TENM2: variants seen among roughly 807,000 people sequenced by gnomAD.
TENM2 encodes the protein teneurin-2.
Under a neutral mutation model 245.2 loss-of-function variants are expected in TENM2, and 52 were observed. The observed-to-expected ratio is 0.21, with a 90% CI of 0.17 to 0.27. The LOEUF is 0.27. Among genes scored for constraint, TENM2 ranks in the 10% least tolerant of loss-of-function variants. The probability of loss-of-function intolerance (pLI) is 1.00; values close to 1 mark genes in which losing one functional copy is unlikely to be tolerated. For missense variants in TENM2, 3,046 were observed against 3,666.8 expected (o/e 0.83, Z 4.37); for synonymous variants, 1,363 against 1,438.9 (o/e 0.95, Z 1.19).
the TENM2 span, among the ~76,000 whole-genome samples, chr5:167,275,898 G>T: frequency 6.6e-6 from 1 of 151,970 alleles, no homozygotes; most frequent in Non-Finnish European, 1.5e-5. Flanking sequence ...GCACCATGTT[G>T]AACAAGACTG....
the TENM2 span, among the ~76,000 whole-genome samples, chr5:167,082,371 C>T: frequency 3.3e-5 from 5 of 152,172 alleles, no homozygotes; most frequent in South Asian, 2.1e-4. Context: ...GCAACCTCCA[C>T]CTCCCGGATT....
At chr5:167,606,096 T>C (rs905987749) in intron 2 of TENM2, among the ~76,000 whole-genome samples, 9 of 152,190 alleles carry the variant, frequency 5.9e-5, no homozygotes, top group African/African-American at 2.2e-4. Context: ...ATTTCTGTTA[T>C]ATTATCTTTA....
intron 12 of TENM2, among the ~76,000 whole-genome samples, chr5:168,152,598 G>T (rs935631439): frequency 3.3e-5 from 5 of 152,086 alleles, no homozygotes; most frequent in Non-Finnish European, 7.3e-5. Flanking sequence ...TTCCATACTG[G>T]TAGGTACCAC....
the TENM2 span, among the ~76,000 whole-genome samples, chr5:167,264,125 T>A: frequency 2.0e-5 from 3 of 147,842 alleles, no homozygotes; most frequent in Non-Finnish European, 4.5e-5. Context: ...AAAAAAAAAA[T>A]TCCTGTTAGT....
chr5:167,745,816 G>A (rs991353285), intron 2 of TENM2, among the ~76,000 whole-genome samples: 14 of 152,192 alleles, frequency 9.2e-5, no homozygotes, highest in African/African-American at 3.1e-4. Context: ...GCATGTATCA[G>A]TAGTTCATTC....
chr5:168,036,716 TGTATGTGTATATATATAC>T (rs1562081623), intron 5 of TENM2, among the ~76,000 whole-genome samples: 7 of 142,388 alleles, frequency 4.9e-5, no homozygotes, highest in East Asian at 4.2e-4. Context: ...TGTATATATA[TGTATGTGTATATATATAC>T]GTATGTGTAT....
At chr5:167,721,267 T>A (rs1475330451) in intron 2 of TENM2, 1 of 152,020 alleles carries the variant, frequency 6.6e-6, no homozygotes, top group Non-Finnish European at 1.5e-5. Context: ...AAAAAAATGA[T>A]GAGGATTTTT....
chr5:167,876,647 A>G (rs1401742198), intron 3 of TENM2, among the ~76,000 whole-genome samples: 4 of 152,018 alleles, frequency 2.6e-5, no homozygotes, highest in Non-Finnish European at 4.4e-5. Flanking sequence ...TTTAACTTCT[A>G]TTCCTTGCTT....
chr5:167,784,341 CA>C (rs1764419868), intron 2 of TENM2, among the ~76,000 whole-genome samples: 1 of 152,206 alleles, frequency 6.6e-6, no homozygotes. Flanking sequence ...ATATGATTAA[CA>C]CAGAGCCTAG....
intron 2 of TENM2, among the ~76,000 whole-genome samples, chr5:167,612,919 A>G (rs1411902374): frequency 6.6e-6 from 1 of 152,142 alleles, no homozygotes; most frequent in Admixed American, 6.6e-5. Flanking sequence ...ACAAAAATAG[A>G]CATATTTGCT....
chr5:167,537,277 G>A (rs547871603), intron 2 of TENM2, among the ~76,000 whole-genome samples: 1 of 145,998 alleles, frequency 6.8e-6, no homozygotes, highest in African/African-American at 2.5e-5. Context: ...AAGCCAGTTG[G>A]TTTTTTCAGC....
chr5:167,191,826 A>G, the TENM2 span, among the ~76,000 whole-genome samples: 1 of 152,024 alleles, frequency 6.6e-6, no homozygotes, highest in Non-Finnish European at 1.5e-5. Context: ...AGACATAGTG[A>G]GACTCAAAAC....
At chr5:167,236,669 G>T in the TENM2 span, among the ~76,000 whole-genome samples, 1 of 152,166 alleles carries the variant, frequency 6.6e-6, no homozygotes, top group East Asian at 1.9e-4. Context: ...GGCTGAATCT[G>T]GGAATGTGCA....
At chr5:167,385,809 A>G (rs192333006) in intron 2 of TENM2, among the ~76,000 whole-genome samples, 1 of 151,640 alleles carries the variant, frequency 6.6e-6, no homozygotes, top group African/African-American at 2.4e-5. Flanking sequence ...TGTGAAAGCT[A>G]TTAATTCATT....
At chr5:167,888,357 C>A (rs751484253) in intron 3 of TENM2, among the ~76,000 whole-genome samples, 2 of 152,160 alleles carry the variant, frequency 1.3e-5, no homozygotes, top group Non-Finnish European at 2.9e-5. Flanking sequence ...ATTTAGCTAC[C>A]ACTGAGCCTG....
At chr5:167,206,794 T>A in the TENM2 span, among the ~76,000 whole-genome samples, 1 of 152,206 alleles carries the variant, frequency 6.6e-6, no homozygotes, top group African/African-American at 2.4e-5. Flanking sequence ...CGTGTGTTAT[T>A]TCAAAGCATA....
intron 1 of TENM2, among the ~76,000 whole-genome samples, chr5:167,310,100 C>A (rs1229124549): frequency 6.6e-6 from 1 of 152,164 alleles, no homozygotes; most frequent in Non-Finnish European, 1.5e-5. Flanking sequence ...AACAGATTTA[C>A]TGTCCCAAAG....
At chr5:167,916,733 A>G (rs1005352624) in intron 3 of TENM2, among the ~76,000 whole-genome samples, 1 of 152,106 alleles carries the variant, frequency 6.6e-6, no homozygotes, top group African/African-American at 2.4e-5. Flanking sequence ...CAGAACCAAA[A>G]AAAATAAAAA....
chr5:167,140,812 G>A, the TENM2 span, among the ~76,000 whole-genome samples: 1 of 152,082 alleles, frequency 6.6e-6, no homozygotes, highest in Non-Finnish European at 1.5e-5. Context: ...TGTGTACACA[G>A]GCAATGGGGA....
Sources: gnomAD v4.1 joint callset for allele counts (sites outside exome capture counted in the v4.1 genomes callset) on GRCh38, gnomAD v4.1.1 for gene constraint, MANE v1.5 for transcripts, NCBI Gene and HGNC (gene_info 2026-07-23, HGNC 2026-07-21) for gene names.